The following EFEMP1 variants were observed in gnomAD, a reference collection of about 807,000 sequenced individuals.
EFEMP1 encodes the protein EGF-like fibulin extracellular matrix protein 1.
A neutral mutation model predicts 65.7 loss-of-function variants in EFEMP1; 18 were observed. The ratio of observed to expected loss-of-function variants is 0.27; its 90% CI spans 0.19 to 0.41. The LOEUF is 0.41. Among genes scored for constraint, EFEMP1 ranks in the 10% least tolerant of loss-of-function variants. EFEMP1 has a pLI of 1.00. For missense variants in EFEMP1, 469 were observed against 624.8 expected (o/e 0.75, Z 2.66); for synonymous variants, 237 against 219.7 (o/e 1.08, Z -0.70).
Position 55,917,923 on chromosome 2 carries a change from C to G in EFEMP1, c.259G>C (p.Glu87Gln). 1 of 1,614,198 alleles carries G rather than the reference C, an allele frequency of 6.2e-7. No individual in the cohort carries two copies. Residue 87 changes from glutamate (E) to glutamine (Q), a missense_variant, in exon 5 of 12, where the codon GAA becomes CAA. Around this residue, in one of 3 missense-constraint regions of EFEMP1, gnomAD observed 399 missense variants for 528.2 expected, o/e 0.76. Transcript: ENST00000355426. The surrounding 1 kb of genome is among the most constrained non-coding windows in gnomAD (Gnocchi z 6.3). ...GAGGTTCCTTCTGCTGGTTGTGTTT[C>G]CTGCTGAGGCTGTTCATTATTGACA... is the stretch of plus-strand genomic sequence containing the variant. ...IIVNNEQPQQ[E>Q]TQPAEGTSGA...
At position 55,877,930 on chromosome 2, in the gene EFEMP1, T is replaced by C; in HGVS notation, c.641-65A>G. 2 of 1,594,332 alleles carry C rather than the reference T, an allele frequency of 1.3e-6. No individual in the cohort carries two copies. Among genetic ancestry groups the C allele is most frequent in the Non-Finnish European group, 1.7e-6 (2 of 1,165,356 alleles). Reference sequence around the variant, plus strand: ...TGAATTAGCATTCTCTGAAAAGCATTATCTAGAAAACCTATGTAGAGAAAA... The same window carrying C: ...TGAATTAGCATTCTCTGAAAAGCATCATCTAGAAAACCTATGTAGAGAAAA... On this transcript the variant is annotated intron_variant, in intron 6 of 11. Transcript: ENST00000355426. This position sits in a 1 kb window ranked among gnomAD's most constrained non-coding sequence, Gnocchi z 4.5.
At chr2:55,897,612 T>A (rs1478801472) in intron 5 of EFEMP1, among the ~76,000 whole-genome samples, 1 of 152,260 alleles carries the variant, frequency 6.6e-6, no homozygotes, top group Non-Finnish European at 1.5e-5. Flanking sequence ...GAAATCCAGT[T>A]AAAATTCTTT....
At position 55,877,132 on chromosome 2, in the gene EFEMP1, T is replaced by C. The variant is rs1233455755; in HGVS notation, c.761-390A>G. 1.3e-5 allele frequency among the ~76,000 whole-genome samples: 2 copies of C among 152,188 alleles called. No individual in the cohort carries two copies. Among genetic ancestry groups the C allele is most frequent in the African/African-American group, 2.4e-5 (1 of 41,454 alleles). On this transcript the variant is annotated intron_variant, in intron 7 of 11. Coordinates refer to ENST00000355426, the MANE Select transcript of EFEMP1 (RefSeq NM_001039348.3). The surrounding 1 kb of genome is among the most constrained non-coding windows in gnomAD (Gnocchi z 4.5). ...ATAAATAATTGATATAAGACACTTATACTGATATGGTCTCTCAGCATGCTG... is the reference window on the plus strand; with the variant it reads ...ATAAATAATTGATATAAGACACTTACACTGATATGGTCTCTCAGCATGCTG...
intron 11 of EFEMP1, among the ~76,000 whole-genome samples, chr2:55,868,046 C>T (rs1668650467): frequency 6.6e-6 from 1 of 152,232 alleles, no homozygotes; most frequent in Admixed American, 6.6e-5. Context: ...GTTATATACT[C>T]ATGAGCAGCT....
At chr2:55,918,357 G>T in intron 3 of EFEMP1, 90 bp from the exon 4 acceptor site, 2 of 1,435,378 alleles carry the variant, frequency 1.4e-6, no homozygotes, top group Non-Finnish European at 2.0e-6. Context: ...TCATTCTTAT[G>T]GCAACAATCC....
intron 8 of EFEMP1, among the ~76,000 whole-genome samples, chr2:55,875,774 T>C (rs1263852782): frequency 6.6e-6 from 1 of 152,168 alleles, no homozygotes; most frequent in East Asian, 1.9e-4. Flanking sequence ...GCTTCCAGAA[T>C]GACAGCTTGG....
chr2:55,916,917 G>A (rs1354093805), intron 5 of EFEMP1, among the ~76,000 whole-genome samples: 1 of 152,230 alleles, frequency 6.6e-6, no homozygotes, highest in East Asian at 1.9e-4. Context: ...AATACACAGT[G>A]ATGTGTATGC....
intron 5 of EFEMP1, among the ~76,000 whole-genome samples, chr2:55,907,699 G>A (rs922313597): frequency 5.3e-5 from 8 of 152,210 alleles, no homozygotes; most frequent in African/African-American, 1.9e-4. Context: ...CCCGGGTTGT[G>A]ACAGACTTGG....
intron 9 of EFEMP1, among the ~76,000 whole-genome samples, chr2:55,874,431 A>G (rs1410864941): frequency 1.3e-5 from 2 of 151,936 alleles, no homozygotes; most frequent in African/African-American, 4.8e-5. Flanking sequence ...TTGAAACTGG[A>G]CCCAAGGTCA....
rs531149753 is a variant in EFEMP1, at chr2:55,923,022, T to C, written c.-48-83A>G. 1.1e-4 allele frequency: 101 copies of C among 953,994 alleles called. No homozygotes were observed. Among genetic ancestry groups the C allele is most frequent in the African/African-American group, 8.5e-4 (48 of 56,744 alleles). The allele number at this position is 953,994 out of a possible 1,614,324, so 59.1% of individuals were successfully genotyped here. On this transcript the variant is annotated intron_variant, in intron 1 of 11. Transcript: ENST00000355426. This position sits in a 1 kb window ranked among gnomAD's most constrained non-coding sequence, Gnocchi z 5.3. ...CAAAACAAAACTCGGAGAGCAATCT[T>C]CCAGTTCTAGTAGAATACTAGACCT...
intron 5 of EFEMP1, among the ~76,000 whole-genome samples, chr2:55,912,026 A>C (rs762374898): frequency 6.6e-6 from 1 of 152,140 alleles, no homozygotes; most frequent in Admixed American, 6.6e-5. Flanking sequence ...CTCCCCTGTA[A>C]ACTCAACTCT....
chr2:55,905,548 A>G (rs1051526843), intron 5 of EFEMP1, among the ~76,000 whole-genome samples: 2 of 152,124 alleles, frequency 1.3e-5, no homozygotes, highest in African/African-American at 2.4e-5. Flanking sequence ...CCCGGCTTCA[A>G]GCGATTCTCC....
chr2:55,922,697 T>G lies in EFEMP1; in HGVS notation c.-8+202A>C. The G allele has an allele frequency of 2.1e-6, 1 of 475,868 alleles. No individual in the cohort carries two copies. Among genetic ancestry groups the G allele is most frequent in the Non-Finnish European group, 3.7e-6 (1 of 269,166 alleles). The allele number at this position is 475,868 out of a possible 1,614,324, so 29.5% of individuals were successfully genotyped here. ...CGTTACTCCATCCTGCTACGCTGTT[T>G]ACATACAAAAGACATTCAGCGTGCA... is the stretch of plus-strand genomic sequence containing the variant. On this transcript the variant is annotated intron_variant, in intron 2 of 11. Transcript: ENST00000355426. The surrounding 1 kb of genome is among the most constrained non-coding windows in gnomAD (Gnocchi z 5.5).
At position 55,894,893 on chromosome 2, in the gene EFEMP1, C is replaced by A. The variant is rs186297581; in HGVS notation, c.518-13159G>T. 7.9e-4 allele frequency among the ~76,000 whole-genome samples: 120 copies of A among 152,310 alleles called. No homozygotes were observed. The East Asian group carries it at 0.011, about 14-fold the overall frequency. On this transcript the variant is annotated intron_variant, in intron 5 of 11. Coordinates refer to ENST00000355426, the MANE Select transcript of EFEMP1 (RefSeq NM_001039348.3). Reference sequence around the variant, plus strand: ...AATCACGTGGCTAGGCTGACTCCTTCTCTGTTGTCATCCTAGCCTATCAAT... The same window carrying A: ...AATCACGTGGCTAGGCTGACTCCTTATCTGTTGTCATCCTAGCCTATCAAT...
intron 5 of EFEMP1, among the ~76,000 whole-genome samples, chr2:55,894,786 AAG>A (rs1363062628): frequency 6.6e-6 from 1 of 152,190 alleles, no homozygotes; most frequent in Non-Finnish European, 1.5e-5. Flanking sequence ...TTACTCTTGT[AAG>A]AGAGAGTATT....
Position 55,885,752 on chromosome 2 carries a change from C to T in EFEMP1, c.518-4018G>A, listed in dbSNP as rs556684027. Among the ~76,000 whole-genome samples the T allele has an allele frequency of 5.3e-5, 8 of 152,246 alleles. No homozygotes were observed. In the South Asian group the frequency reaches 1.5e-3, roughly 28 times the overall value. The stretch of plus-strand genomic sequence containing the variant: ...CACACCGACCCCCACGTCTAGGGAA[C>T]CGCACATTTGATTTTCTCTCAAAGT... On this transcript the variant is annotated intron_variant, in intron 5 of 11. Coordinates refer to ENST00000355426, the MANE Select transcript of EFEMP1 (RefSeq NM_001039348.3). The surrounding 1 kb of genome is among the most constrained non-coding windows in gnomAD (Gnocchi z 4.3).
intron 3 of EFEMP1, 99 bp from the exon 4 acceptor site, chr2:55,918,366 C>CTTTGTG: frequency 7.2e-7 from 1 of 1,384,340 alleles, no homozygotes; most frequent in Non-Finnish European, 1.0e-6. Flanking sequence ...TGGCAACAAT[C>CTTTGTG]CTTGTGCTAA....
At position 55,923,040 on chromosome 2, in the gene EFEMP1, C is replaced by T. The variant is rs1410351589; in HGVS notation, c.-48-101G>A. Reference sequence around the variant, plus strand: ...GCAATCTTCCAGTTCTAGTAGAATACTAGACCTTCTCACATGTCTCAGAGC... The same window carrying T: ...GCAATCTTCCAGTTCTAGTAGAATATTAGACCTTCTCACATGTCTCAGAGC... On this transcript the variant is annotated intron_variant, in intron 1 of 11. Transcript: ENST00000355426. The surrounding 1 kb of genome is among the most constrained non-coding windows in gnomAD (Gnocchi z 5.3). 2.4e-6 allele frequency: 2 copies of T among 831,592 alleles called. No homozygotes were observed. Among genetic ancestry groups the T allele is most frequent in the East Asian group, 1.1e-4 (1 of 9,024 alleles). 51.5% of individuals were successfully genotyped at this position (831,592 alleles called of 1,614,324 possible). A position where few individuals can be genotyped will look rare whatever the true frequency, so the allele number is the denominator to read the frequency against.
In EFEMP1 at chr2:55,877,831, G is replaced by A. The variant is rs371553398; in HGVS notation, c.675C>T (p.His225=). Residue 225 remains histidine (H), a synonymous_variant, in exon 7 of 12, where the codon CAC becomes CAT. Transcript: ENST00000355426. The surrounding 1 kb of genome is among the most constrained non-coding windows in gnomAD (Gnocchi z 4.5). ...AGCCTGGTGTATTCACGCATCTTTG[G>A]TGGCAATATGGAGGGATGGTACATT... ...IDECTIPPYC[H]QRCVNTPGSF... is the part of the protein sequence containing the mutation. 4 of 1,613,234 alleles carry A rather than the reference G, an allele frequency of 2.5e-6. No individual in the cohort carries two copies. In the African/African-American group the frequency reaches 5.3e-5, roughly 22 times the overall value.
Sources: allele counts gnomAD v4.1 joint callset (sites outside exome capture counted in the v4.1 genomes callset), GRCh38; gene constraint gnomAD v4.1.1; regional missense constraint gnomAD v4.1.1; non-coding constraint Gnocchi (gnomAD v3.1); transcripts MANE v1.5; gene names NCBI Gene and HGNC (gene_info 2026-07-23, HGNC 2026-07-21).